CFAP47: variants seen among roughly 807,000 people sequenced by gnomAD.
The protein encoded by CFAP47 is cilia and flagella associated protein 47, also known as cilia- and flagella-associated protein 47.
CFAP47 carries 29 observed loss-of-function variants against 148.1 expected under a neutral mutation model. The ratio of observed to expected loss-of-function variants is 0.20; its 90% confidence interval spans 0.15 to 0.27. The LOEUF (loss-of-function observed/expected upper bound fraction) is 0.27. Among genes scored for constraint, CFAP47 ranks in the 10% least tolerant of loss-of-function variants. The pLI is 1.00. For synonymous variants in CFAP47, 664 were observed against 577.3 expected (o/e 1.15, Z -2.15); for missense variants, 1,872 against 1,697.5 (o/e 1.10, Z -1.81).
chrX:36,234,382 C>T (rs1253258758), intron 46 of CFAP47, among the ~76,000 whole-genome samples: 3 of 111,782 alleles, frequency 2.7e-5, no homozygotes, highest in East Asian at 2.8e-4. Context: ...CCATCACTGA[C>T]ACCCTTTCTT....
chrX:35,994,811 T>C (rs933420771), intron 18 of CFAP47, among the ~76,000 whole-genome samples: 1 of 111,458 alleles, frequency 9.0e-6, no homozygotes, highest in Admixed American at 9.6e-5. Flanking sequence ...ATAATGAGAC[T>C]CATTTATTCA....
intron 22 of CFAP47, among the ~76,000 whole-genome samples, chrX:36,017,340 TCTTCA>T (rs1358444280): frequency 8.9e-6 from 1 of 112,108 alleles, no homozygotes; most frequent in African/African-American, 3.2e-5. Flanking sequence ...GGGTATTGTC[TCTTCA>T]CTTTGTGGAT....
At chrX:35,951,108 G>A in intron 4 of CFAP47, 23 bp from the exon 5 acceptor site, 1 of 1,055,881 alleles carries the variant, frequency 9.5e-7, no homozygotes, top group Non-Finnish European at 1.3e-6. Flanking sequence ...ATGTATGTAT[G>A]TGCATATCTT....
At chrX:36,143,548 T>C (rs1277581776) in intron 35 of CFAP47, among the ~76,000 whole-genome samples, 2 of 111,877 alleles carry the variant, frequency 1.8e-5, no homozygotes, top group African/African-American at 6.5e-5. Context: ...TCCCTGTATA[T>C]TGACACTGAC....
intron 46 of CFAP47, among the ~76,000 whole-genome samples, chrX:36,229,607 T>A (rs782141359): frequency 9.0e-6 from 1 of 111,356 alleles, no homozygotes; most frequent in South Asian, 3.8e-4. Context: ...ATTTATTCTT[T>A]TTTTATTTTA....
At chrX:36,320,306 T>C (rs1941468526) in intron 57 of CFAP47, among the ~76,000 whole-genome samples, 1 of 112,371 alleles carries the variant, frequency 8.9e-6, no homozygotes, top group Non-Finnish European at 1.9e-5. Context: ...TATCTTAACA[T>C]AATTAATACA....
At chrX:36,106,351 G>T (rs1398309266) in intron 33 of CFAP47, among the ~76,000 whole-genome samples, 4 of 112,003 alleles carry the variant, frequency 3.6e-5, no homozygotes, top group Non-Finnish European at 7.5e-5. Flanking sequence ...GCCTAGAACT[G>T]TGCCTAACAA....
chrX:36,255,998 T>G, intron 49 of CFAP47, among the ~76,000 whole-genome samples: 1 of 112,231 alleles, frequency 8.9e-6, no homozygotes, highest in South Asian at 3.7e-4. Flanking sequence ...GTGAGAGAGA[T>G]AATGTGTTAA....
chrX:36,090,607 TA>T (rs1475864854), intron 30 of CFAP47, among the ~76,000 whole-genome samples: 1 of 111,958 alleles, frequency 8.9e-6, no homozygotes, highest in Non-Finnish European at 1.9e-5. Context: ...AATACATGCC[TA>T]TCAGGATATG....
intron 60 of CFAP47, among the ~76,000 whole-genome samples, chrX:36,354,934 G>T (rs1941773727): frequency 9.0e-6 from 1 of 110,505 alleles, no homozygotes; most frequent in African/African-American, 3.3e-5. Flanking sequence ...CAATCAACAG[G>T]GTGAAAAGAT....
intron 30 of CFAP47, among the ~76,000 whole-genome samples, chrX:36,086,087 ATAAAT>A (rs1318993766): frequency 3.6e-5 from 4 of 112,060 alleles, no homozygotes; most frequent in African/African-American, 1.3e-4. Context: ...GTCTGCATAG[ATAAAT>A]TAAAATAGTA....
chrX:36,288,990 T>C (rs1314999720), intron 51 of CFAP47, among the ~76,000 whole-genome samples: 1 of 102,457 alleles, frequency 9.8e-6, no homozygotes, highest in Non-Finnish European at 2.0e-5. Flanking sequence ...TGTATTTTCT[T>C]CTTTCATCCT....
At chrX:36,065,447 A>G (rs1396233515) in intron 26 of CFAP47, among the ~76,000 whole-genome samples, 196 bp from the exon 27 acceptor site, 2 of 112,013 alleles carry the variant, frequency 1.8e-5, no homozygotes, top group Non-Finnish European at 3.8e-5. Flanking sequence ...AATTTATACT[A>G]TCTATTAAAA....
At chrX:36,113,520 A>G (rs1938587390) in intron 33 of CFAP47, among the ~76,000 whole-genome samples, 1 of 110,593 alleles carries the variant, frequency 9.0e-6, no homozygotes, top group Admixed American at 9.6e-5. Context: ...GCCTTTAACA[A>G]TTTTTCTTTC....
intron 53 of CFAP47, among the ~76,000 whole-genome samples, chrX:36,303,172 C>T (rs1556008124): frequency 9.0e-6 from 1 of 111,138 alleles, no homozygotes; most frequent in African/African-American, 3.3e-5. Context: ...CTTTTAGCTT[C>T]TACTTCTTCT....
At chrX:36,264,799 A>T (rs1940871143) in intron 49 of CFAP47, among the ~76,000 whole-genome samples, 1 of 111,865 alleles carries the variant, frequency 8.9e-6, no homozygotes, top group Non-Finnish European at 1.9e-5. Context: ...TGCAGGGGAG[A>T]TAATCAGTGG....
chrX:36,045,757 A>G, intron 25 of CFAP47, among the ~76,000 whole-genome samples: 1 of 111,776 alleles, frequency 8.9e-6, no homozygotes, highest in East Asian at 2.8e-4. Context: ...ATCAATAATC[A>G]TTTTCTAATA....
In CFAP47 at chrX:36,076,250, A is replaced by G. The variant is rs1052377141; in HGVS notation, c.4691+2886A>G. ...ACGTGCAGGTTTGTTACATATGTAT[A>G]CATGTGCCATGTTGGTGTGCTGCAC... On this transcript the variant is annotated intron_variant, in intron 29 of 63. Transcript: ENST00000378653. Among the ~76,000 whole-genome samples the G allele has an allele frequency of 3.8e-5, 4 of 105,621 alleles. No individual in the cohort carries two copies. The Admixed American group carries it at 4.1e-4, about 11-fold the overall frequency. 91.7% of individuals were successfully genotyped at this position (105,621 alleles called of 115,157 possible). A position where few individuals can be genotyped will look rare whatever the true frequency, so the allele number is the denominator to read the frequency against.
At chrX:36,212,003 T>C (rs1238407207) in intron 45 of CFAP47, among the ~76,000 whole-genome samples, 1 of 111,361 alleles carries the variant, frequency 9.0e-6, no homozygotes, top group Admixed American at 9.6e-5. Flanking sequence ...TAAATCAGAT[T>C]CTCGTTAGTG....
Sources: allele counts gnomAD v4.1 joint callset (sites outside exome capture counted in the v4.1 genomes callset), GRCh38; gene constraint gnomAD v4.1.1; transcripts MANE v1.5; gene names NCBI Gene and HGNC (gene_info 2026-07-23, HGNC 2026-07-21).